The following VPS13A variants were observed in gnomAD, a reference collection of about 807,000 sequenced individuals.
The protein encoded by VPS13A is vacuolar protein sorting 13 homolog A.
Under a neutral mutation model 390.9 loss-of-function variants are expected in VPS13A, and 264 were observed. The observed-to-expected ratio is 0.68, with a 90% CI of 0.61 to 0.75. The LOEUF (loss-of-function observed/expected upper bound fraction) is 0.75, where lower values mean the gene tolerates loss of function less well. VPS13A is among the 30% of genes least tolerant of loss of function. VPS13A has a pLI of 0.00. For missense variants in VPS13A, 3,409 were observed against 3,733.9 expected, an observed-to-expected ratio of 0.91 and a Z score of 2.27; for synonymous variants, 1,231 against 1,227.1, an observed-to-expected ratio of 1.00 and a Z score of -0.07.
At position 77,227,382 on chromosome 9, in the gene VPS13A, G is replaced by A; in HGVS notation, c.1358-9G>A. 2 of 1,602,972 alleles carry A rather than the reference G, an allele frequency of 1.2e-6. No individual in the cohort carries two copies. The highest frequency in any genetic ancestry group is 1.7e-6 in the Non-Finnish European group (2 of 1,170,672). ...TTAAGAACATAAAGCACTTCTTTCT[G>A]ATTTGTAGCTCTTGAAGAAATGTTG... On this transcript the variant is annotated splice_polypyrimidine_tract_variant and intron_variant, in intron 15 of 71. Coordinates refer to ENST00000360280, the MANE Select transcript of VPS13A (RefSeq NM_033305.3).
chr9:77,200,953 T>C (rs1466825556), intron 2 of VPS13A, among the ~76,000 whole-genome samples: 2 of 152,214 alleles, frequency 1.3e-5, no homozygotes, highest in African/African-American at 4.8e-5. Flanking sequence ...TTTAAAAGGC[T>C]ATTCTTTGAA....
intron 42 of VPS13A, among the ~76,000 whole-genome samples, chr9:77,319,883 A>G (rs1422296717): frequency 6.6e-6 from 1 of 152,088 alleles, no homozygotes; most frequent in Admixed American, 6.6e-5. Context: ...ATTTTCCAAA[A>G]TTGAGAATGT....
chr9:77,303,806 A>G (rs2131396766), intron 34 of VPS13A, among the ~76,000 whole-genome samples: 1 of 152,276 alleles, frequency 6.6e-6, no homozygotes, highest in South Asian at 2.1e-4. Flanking sequence ...AAGAATAACA[A>G]AGCAGCATTA....
rs1835328871 is a variant in VPS13A, at chr9:77,421,209, T to G, written c.*5203T>G. ...TTATGATAATTTTAAAAATATCTAT[T>G]TCTGCATCGCTGCAGGATTTCCTAC... On this transcript the variant is annotated 3_prime_UTR_variant, in exon 72 of 72. Coordinates refer to ENST00000360280, the MANE Select transcript of VPS13A (RefSeq NM_033305.3). 1 of 152,222 alleles carries G rather than the reference T, an allele frequency of 6.6e-6. No homozygotes were observed. The highest frequency in any genetic ancestry group is 2.4e-5 in the African/African-American group (1 of 41,458). The allele number at this position is 152,222 out of a possible 1,614,324, so 9.4% of individuals were successfully genotyped here.
At chr9:77,314,807 G>A (rs1343129546) in intron 37 of VPS13A, 143 bp downstream of exon 37, 25 of 747,738 alleles carry the variant, frequency 3.3e-5, no homozygotes, top group Non-Finnish European at 4.9e-5. Flanking sequence ...CGTAGTACTC[G>A]GTTAACATTT....
At chr9:77,414,945 G>A (rs1214739728) in intron 71 of VPS13A, among the ~76,000 whole-genome samples, 3 of 152,032 alleles carry the variant, frequency 2.0e-5, no homozygotes, top group African/African-American at 7.3e-5. Context: ...CTCTCCCACT[G>A]TCTCATACAC....
chr9:77,353,342 T>G, intron 53 of VPS13A, 67 bp from the exon 54 acceptor site: 1 of 1,262,614 alleles, frequency 7.9e-7, no homozygotes, highest in South Asian at 1.3e-5. Context: ...GAAATCTAAA[T>G]TTCATGTTCT....
chr9:77,303,920 G>A (rs1270813348), intron 34 of VPS13A, among the ~76,000 whole-genome samples: 1 of 152,046 alleles, frequency 6.6e-6, no homozygotes. Flanking sequence ...GTTACCAGGG[G>A]CAGGCAGGAG....
intron 46 of VPS13A, among the ~76,000 whole-genome samples, chr9:77,336,736 TCTC>T (rs1361279480): frequency 5.3e-5 from 8 of 151,576 alleles, no homozygotes; most frequent in African/African-American, 1.9e-4. Context: ...AGAAAAATAT[TCTC>T]CTCTTAAAAG....
At chr9:77,245,839 A>T (rs1001209320) in intron 19 of VPS13A, among the ~76,000 whole-genome samples, 2 of 152,178 alleles carry the variant, frequency 1.3e-5, no homozygotes, top group African/African-American at 4.8e-5. Flanking sequence ...TATTTGTTTC[A>T]TGGTTCTACA....
At chr9:77,227,093 CT>C (rs1749768718) in intron 15 of VPS13A, among the ~76,000 whole-genome samples, 1 of 152,120 alleles carries the variant, frequency 6.6e-6, no homozygotes, top group Non-Finnish European at 1.5e-5. Flanking sequence ...ATACTACCTA[CT>C]TTTTATACTA....
chr9:77,198,908 C>T (rs1443455701), intron 1 of VPS13A, among the ~76,000 whole-genome samples: 1 of 152,156 alleles, frequency 6.6e-6, no homozygotes, highest in Non-Finnish European at 1.5e-5. Context: ...GGTGATCCAC[C>T]TGCCTCAGCC....
chr9:77,347,854 C>A (rs1300029369), intron 52 of VPS13A, among the ~76,000 whole-genome samples: 2 of 148,346 alleles, frequency 1.3e-5, no homozygotes, highest in African/African-American at 5.0e-5. Flanking sequence ...TTACCCTATA[C>A]AAAGTGAAGT....
chr9:77,201,885 T>C (rs550600205), intron 3 of VPS13A, among the ~76,000 whole-genome samples: 113 of 152,298 alleles, frequency 7.4e-4, no homozygotes, highest in African/African-American at 2.6e-3. Context: ...TACCAGTGTT[T>C]ACTGTTTATA....
At chr9:77,315,114 A>G in intron 37 of VPS13A, 139 bp from the exon 38 acceptor site, 1 of 735,546 alleles carries the variant, frequency 1.4e-6, no homozygotes, top group Non-Finnish European at 2.3e-6. Context: ...GGAACACTTT[A>G]TGGATCTTCC....
chr9:77,195,081 TTC>T (rs1824908685), intron 1 of VPS13A, among the ~76,000 whole-genome samples: 1 of 152,186 alleles, frequency 6.6e-6, no homozygotes, highest in African/African-American at 2.4e-5. Context: ...CTATGCTTTA[TTC>T]TAAGTTTTAT....
At chr9:77,207,252 T>TATATATATATAA in intron 5 of VPS13A, among the ~76,000 whole-genome samples, 1,628 of 87,050 alleles carry the variant, frequency 0.019, 134 homozygotes, top group Non-Finnish European at 0.029. Flanking sequence ...TATATATATA[T>TATATATATATAA]AAAACGTGTT....
chr9:77,359,801 G>C (rs1192137578), intron 58 of VPS13A, among the ~76,000 whole-genome samples: 2 of 145,098 alleles, frequency 1.4e-5, no homozygotes, highest in African/African-American at 2.5e-5. Context: ...CTGGGTGACA[G>C]AGCAAGACTG....
chr9:77,255,475 A>G lies in VPS13A; in HGVS notation c.2288+3123A>G, dbSNP rs74676883. On this transcript the variant is annotated intron_variant, in intron 22 of 71. Transcript: ENST00000360280. ...GTTTGCTTGTGCTTTTGGGTTTTGCATTAATATTTTTCAGATATATTGGAC... is the reference window on the plus strand; with the variant it reads ...GTTTGCTTGTGCTTTTGGGTTTTGCGTTAATATTTTTCAGATATATTGGAC... 1.3e-3 allele frequency among the ~76,000 whole-genome samples: 195 copies of G among 152,228 alleles called. 2 individuals carry two copies. The highest frequency in any genetic ancestry group is 2.2e-3 in the Admixed American group (33 of 15,302).
Sources: allele counts gnomAD v4.1 joint callset (sites outside exome capture counted in the v4.1 genomes callset), GRCh38; gene constraint gnomAD v4.1.1; transcripts MANE v1.5; gene names NCBI Gene and HGNC (gene_info 2026-07-23, HGNC 2026-07-21).